The following STX16 variants were observed in gnomAD, a reference collection of about 807,000 sequenced individuals.
STX16 encodes the protein syntaxin-16.
In STX16, 28 loss-of-function variants were observed where a neutral mutation model predicts 42.7. That is an observed-to-expected ratio of 0.66 (90% CI 0.49 to 0.90). STX16 has a LOEUF of 0.90. STX16 is among the 40% of genes least tolerant of loss of function. STX16 has a pLI of 0.00. For missense variants in STX16, 361 were observed against 420.9 expected, an observed-to-expected ratio of 0.86 and a Z score of 1.24; for synonymous variants, 156 against 155.2, an observed-to-expected ratio of 1.00 and a Z score of -0.04.
chr20:58,671,985 C>G (rs936050144), intron 7 of STX16, among the ~76,000 whole-genome samples: 18 of 152,120 alleles, frequency 1.2e-4, no homozygotes, highest in African/African-American at 3.6e-4. Flanking sequence ...AATCCCTACA[C>G]AAGACCTCAT....
In STX16 at chr20:58,676,973, T is replaced by C. The variant is rs547606608; in HGVS notation, c.*682T>C. On this transcript the variant is annotated 3_prime_UTR_variant, in exon 9 of 9. Coordinates refer to ENST00000371141, the MANE Select transcript of STX16 (RefSeq NM_001001433.3). ...AGCTTCATAAGTTTTAAATTAATTG[T>C]AAATGGAATATTCCTCATTTAAAAT... The C allele has an allele frequency of 6.5e-5, 10 of 152,836 alleles. No individual in the cohort carries two copies. The South Asian group carries it at 2.1e-3, about 32-fold the overall frequency. The allele number at this position is 152,836 out of a possible 1,614,324, so 9.5% of individuals were successfully genotyped here.
At chr20:58,661,845 C>A (rs1444703782) in intron 2 of STX16, among the ~76,000 whole-genome samples, 1 of 152,142 alleles carries the variant, frequency 6.6e-6, no homozygotes, top group African/African-American at 2.4e-5. Context: ...TGTTAGCCAC[C>A]CCTTTATAGG....
intron 1 of STX16, chr20:58,652,388 C>T (rs2083485729): frequency 1.7e-6 from 1 of 605,564 alleles, no homozygotes; most frequent in Non-Finnish European, 3.0e-6. Flanking sequence ...CCCCCGCACC[C>T]CCCGCCTTGG....
At chr20:58,667,648 C>G (rs1601028715) in intron 3 of STX16, 51 bp downstream of exon 3, 2 of 1,485,406 alleles carry the variant, frequency 1.3e-6, no homozygotes, top group African/African-American at 2.8e-5. Flanking sequence ...GTAATTATGA[C>G]AATGTATTTT....
At chr20:58,671,355 T>G (rs1568827349) in intron 7 of STX16, 58 bp downstream of exon 7, 13 of 1,530,874 alleles carry the variant, frequency 8.5e-6, no homozygotes, top group Non-Finnish European at 1.1e-5. Context: ...CTGTACCTTC[T>G]TTTTCCTGTA....
At chr20:58,655,404 C>G (rs970687104) in intron 1 of STX16, among the ~76,000 whole-genome samples, 7 of 152,052 alleles carry the variant, frequency 4.6e-5, no homozygotes, top group African/African-American at 1.4e-4. Context: ...ATTGTGTGTC[C>G]CTGTGCGTGC....
chr20:58,665,946 T>C (rs1004709471), intron 2 of STX16, among the ~76,000 whole-genome samples: 1 of 152,174 alleles, frequency 6.6e-6, no homozygotes, highest in African/African-American at 2.4e-5. Context: ...AGGTTGATGG[T>C]GAAGATACCA....
rs2084150322 is a variant in STX16, at chr20:58,677,182, T to C, written c.*891T>C. 1 of 152,682 alleles carries C rather than the reference T, an allele frequency of 6.5e-6. No homozygotes were observed. Among genetic ancestry groups the C allele is most frequent in the African/African-American group, 2.4e-5 (1 of 41,468 alleles). 9.5% of individuals were successfully genotyped at this position (152,682 alleles called of 1,614,324 possible). Reference sequence around the variant, plus strand: ...CCATCCTTGCTCAATCCATTACTTATATACTAACTACATAATGACCTGTTC... The same window carrying C: ...CCATCCTTGCTCAATCCATTACTTACATACTAACTACATAATGACCTGTTC... On this transcript the variant is annotated 3_prime_UTR_variant, in exon 9 of 9. Transcript: ENST00000371141.
At chr20:58,652,371 ACCCCCCC>A (rs11481928) in intron 1 of STX16, 6 of 462,014 alleles carry the variant, frequency 1.3e-5, no homozygotes, top group African/African-American at 5.2e-5. Flanking sequence ...CTTCCGCAGC[ACCCCCCC>A]CCCCGCACCC....
At chr20:58,661,774 C>A (rs218475) in intron 2 of STX16, among the ~76,000 whole-genome samples, 76,610 of 152,060 alleles carry the variant, frequency 0.5, 19,770 homozygotes, top group African/African-American at 0.58. Context: ...TTGAAGCTGA[C>A]GCAGGGCCTC....
At chr20:58,658,141 C>A (rs2083620274) in intron 1 of STX16, among the ~76,000 whole-genome samples, 2 of 152,136 alleles carry the variant, frequency 1.3e-5, no homozygotes, top group South Asian at 2.1e-4. Flanking sequence ...AGCATAGGCA[C>A]ATGTGCAGCA....
In STX16 at chr20:58,670,592, CTT is replaced by C. The variant is rs770430904; in HGVS notation, c.639_640del (p.Tyr214ProfsTer35). The part of the protein sequence containing the change: ...PLMDDGDDNT[L>X]YHRGFTEDQL... ...AATGGATGATGGAGACGATAACACT[CTT>C]TACCATCGGGTACGTGAACGGGCTG... On this transcript the variant is annotated frameshift_variant, in exon 6 of 9. Coordinates refer to ENST00000371141, the MANE Select transcript of STX16 (RefSeq NM_001001433.3). LOFTEE classifies it high-confidence loss of function. The C allele has an allele frequency of 2.5e-5, 40 of 1,613,856 alleles. No individual in the cohort carries two copies. The highest frequency in any genetic ancestry group is 3.3e-5 in the Non-Finnish European group (39 of 1,179,870).
intron 8 of STX16, 88 bp from the exon 9 acceptor site, chr20:58,676,099 G>A: frequency 9.6e-7 from 1 of 1,037,084 alleles, no homozygotes; most frequent in Non-Finnish European, 1.5e-6. Context: ...TGTGCAGAGA[G>A]ATCTGGAAGC....
intron 2 of STX16, among the ~76,000 whole-genome samples, chr20:58,660,713 C>CTTT (rs10706096): frequency 0.023 from 1,650 of 70,724 alleles, 222 homozygotes; most frequent in Admixed American, 0.033. Context: ...ATTCCTGCTC[C>CTTT]TTTTTTTTTT....
intron 2 of STX16, chr20:58,667,211 T>A: frequency 1.9e-6 from 1 of 526,426 alleles, no homozygotes; most frequent in Non-Finnish European, 3.6e-6. Context: ...CCAGATCAAG[T>A]CAAATTTACG....
At position 58,676,304 on chromosome 20, in the gene STX16, T is replaced by C. The variant is rs773650771; in HGVS notation, c.*13T>C. 3 of 1,610,168 alleles carry C rather than the reference T, an allele frequency of 1.9e-6. No individual in the cohort carries two copies. Among genetic ancestry groups the C allele is most frequent in the Non-Finnish European group, 2.6e-6 (3 of 1,176,346 alleles). On this transcript the variant is annotated 3_prime_UTR_variant, in exon 9 of 9. Coordinates refer to ENST00000371141, the MANE Select transcript of STX16 (RefSeq NM_001001433.3). The stretch of plus-strand genomic sequence containing the variant: ...GAAGTCTCGATAAGTGGCATTGGGT[T>C]TTCGTGTGTGCCGCGCGTGTGGATC...
At chr20:58,675,213 C>G (rs2084079639) in intron 8 of STX16, among the ~76,000 whole-genome samples, 1 of 152,174 alleles carries the variant, frequency 6.6e-6, no homozygotes, top group Non-Finnish European at 1.5e-5. Context: ...TGAGGGGCTC[C>G]TCCAGGTGGG....
Position 58,669,292 on chromosome 20 carries a change from T to C in STX16, c.395T>C (p.Leu132Pro), listed in dbSNP as rs2122986775. Residue 132 changes from leucine to proline, a missense_variant and splice_region_variant, in exon 5 of 9, where the codon CTC (leucine) becomes CCC (proline). Coordinates refer to ENST00000371141, the MANE Select transcript of STX16 (RefSeq NM_001001433.3). ...TGAGCCTCGGGCTTGTTCTCTTAGC[T>C]CTTCCACAGGTGCCAGCGTGCCGTG... ...IEITTQEITQLFHRCQRAVQA... is the reference protein window; with the variant it reads ...IEITTQEITQPFHRCQRAVQA... 2 of 1,610,434 alleles carry C rather than the reference T, an allele frequency of 1.2e-6. No individual in the cohort carries two copies. The highest frequency in any genetic ancestry group is 1.7e-6 in the Non-Finnish European group (2 of 1,179,558).
At chr20:58,654,697 T>A (rs536140305) in intron 1 of STX16, among the ~76,000 whole-genome samples, 2 of 152,336 alleles carry the variant, frequency 1.3e-5, no homozygotes, top group Admixed American at 6.5e-5. Context: ...CAAAATCGTA[T>A]CTGTCAAATT....
Sources: gnomAD v4.1 joint callset for allele counts (sites outside exome capture counted in the v4.1 genomes callset) on GRCh38, gnomAD v4.1.1 for gene constraint, MANE v1.5 for transcripts, NCBI Gene and HGNC (gene_info 2026-07-23, HGNC 2026-07-21) for gene names.